The following SGCD variants were observed in gnomAD, a reference collection of about 807,000 sequenced individuals.
The protein encoded by SGCD is sarcoglycan delta.
In SGCD, 18 loss-of-function variants were observed where a neutral mutation model predicts 36.6. That is an observed-to-expected ratio of 0.49 (90% CI 0.34 to 0.73). SGCD has a LOEUF of 0.73. Among genes scored for constraint, SGCD ranks in the 30% least tolerant of loss-of-function variants. The probability of loss-of-function intolerance (pLI) is 0.01; values close to 1 mark genes in which losing one functional copy is unlikely to be tolerated. For synonymous variants in SGCD, 133 were observed against 130.6 expected, an observed-to-expected ratio of 1.02 and a Z score of -0.12; for missense variants, 387 against 346.7, an observed-to-expected ratio of 1.12 and a Z score of -0.92.
intron 3 of SGCD, among the ~76,000 whole-genome samples, chr5:156,213,263 GA>G (rs752198326): frequency 6.6e-6 from 1 of 151,618 alleles, no homozygotes; most frequent in African/African-American, 2.4e-5. Context: ...GCAAGACTAA[GA>G]AAAAAACTCA....
intron 3 of SGCD, among the ~76,000 whole-genome samples, chr5:156,399,382 ACATT>A (rs1327222117): frequency 1.3e-5 from 2 of 152,208 alleles, no homozygotes; most frequent in African/African-American, 4.8e-5. Flanking sequence ...AATTTCAGCT[ACATT>A]CTGAGCAGCA....
At chr5:156,383,327 A>C (rs1307845839) in intron 3 of SGCD, among the ~76,000 whole-genome samples, 2 of 152,048 alleles carry the variant, frequency 1.3e-5, no homozygotes, top group African/African-American at 4.8e-5. Flanking sequence ...AACATGGTGA[A>C]ACCCTGTCTC....
the SGCD span, among the ~76,000 whole-genome samples, chr5:155,794,152 A>G: frequency 2.2e-4 from 33 of 152,294 alleles, no homozygotes; most frequent in African/African-American, 7.7e-4. Flanking sequence ...TGAACTGAGC[A>G]TTACTACAAG....
At chr5:156,756,936 A>T (rs12109038) in intron 7 of SGCD, among the ~76,000 whole-genome samples, 1,752 of 152,280 alleles carry the variant, frequency 0.012, 34 homozygotes, top group African/African-American at 0.04. Flanking sequence ...ATTGGTTGGT[A>T]TTGTAACAAT....
chr5:156,735,116 GTAC>G, intron 7 of SGCD, among the ~76,000 whole-genome samples: 1 of 152,280 alleles, frequency 6.6e-6, no homozygotes, highest in Non-Finnish European at 1.5e-5. Flanking sequence ...AGATTTTCCA[GTAC>G]CTGGAGGTAT....
the SGCD span, among the ~76,000 whole-genome samples, chr5:155,737,837 A>AT: frequency 2.6e-5 from 4 of 152,010 alleles, no homozygotes; most frequent in African/African-American, 9.7e-5. Flanking sequence ...CCCATGTAGC[A>AT]TTTTTTAGTG....
chr5:156,019,154 A>C (rs184732211), intron 1 of SGCD, among the ~76,000 whole-genome samples: 1 of 152,370 alleles, frequency 6.6e-6, no homozygotes, highest in Non-Finnish European at 1.5e-5. Context: ...CTTTAAAACA[A>C]AACATAGAAA....
At chr5:156,015,609 G>A (rs76530179) in intron 1 of SGCD, among the ~76,000 whole-genome samples, 1 of 146,470 alleles carries the variant, frequency 6.8e-6, no homozygotes, top group Non-Finnish European at 1.5e-5. Flanking sequence ...ATGTATGCAT[G>A]TGTGTGTGTG....
At chr5:156,620,826 A>C (rs1279241019) in intron 6 of SGCD, among the ~76,000 whole-genome samples, 1 of 152,192 alleles carries the variant, frequency 6.6e-6, no homozygotes, top group Non-Finnish European at 1.5e-5. Context: ...GAATTAAGGA[A>C]TATCTCAGGG....
chr5:156,097,439 T>C (rs1200685033), intron 1 of SGCD, among the ~76,000 whole-genome samples: 1 of 152,154 alleles, frequency 6.6e-6, no homozygotes. Flanking sequence ...TTGTTAAGAT[T>C]GGGTGAATTC....
At chr5:156,747,046 G>A (rs1251133747) in intron 7 of SGCD, among the ~76,000 whole-genome samples, 3 of 152,024 alleles carry the variant, frequency 2.0e-5, no homozygotes, top group Non-Finnish European at 4.4e-5. Context: ...AGTTGGGGGA[G>A]AGATTTAAAT....
Position 155,963,003 on chromosome 5 carries a change from G to T in SGCD, c.-282+92579G>T, listed in dbSNP as rs74685960. Among the ~76,000 whole-genome samples, 14 of 152,190 alleles carry T rather than the reference G, an allele frequency of 9.2e-5. No individual in the cohort carries two copies. The South Asian group carries it at 2.9e-3, about 32-fold the overall frequency. On this transcript the variant is annotated intron_variant, in intron 1 of 9. Transcript: ENST00000517913. ...AGAAAATCTGACTCCATTCAAAGCAGGTCTCCGTTTGATTATCCAGTTTAG... is the reference window on the plus strand; with the variant it reads ...AGAAAATCTGACTCCATTCAAAGCATGTCTCCGTTTGATTATCCAGTTTAG...
chr5:156,449,791 G>A (rs1311878780), intron 3 of SGCD, among the ~76,000 whole-genome samples: 3 of 146,138 alleles, frequency 2.1e-5, no homozygotes, highest in African/African-American at 7.7e-5. Flanking sequence ...GTTGGAGGTT[G>A]CAGTGAGCCA....
chr5:156,467,382 G>A (rs1739100356), intron 3 of SGCD, among the ~76,000 whole-genome samples: 2 of 152,206 alleles, frequency 1.3e-5, no homozygotes, highest in South Asian at 4.2e-4. Context: ...GATTCATCTG[G>A]TTAGAACAAA....
chr5:156,699,162 C>T (rs968464212), intron 7 of SGCD, among the ~76,000 whole-genome samples: 2 of 152,182 alleles, frequency 1.3e-5, no homozygotes, highest in African/African-American at 2.4e-5. Context: ...TCAGCAGAGA[C>T]ACTTTTGTAT....
intron 3 of SGCD, among the ~76,000 whole-genome samples, chr5:156,465,817 A>AT: frequency 6.6e-6 from 1 of 152,106 alleles, no homozygotes; most frequent in Non-Finnish European, 1.5e-5. Flanking sequence ...AATTCCTGGG[A>AT]CCCTTGAGGT....
intron 6 of SGCD, among the ~76,000 whole-genome samples, chr5:156,620,563 C>T (rs895109376): frequency 3.3e-5 from 5 of 152,008 alleles, no homozygotes; most frequent in Admixed American, 6.6e-5. Context: ...CAGAGGTGTT[C>T]GGGAGAAACT....
At chr5:156,297,863 C>T (rs1425007025) in intron 3 of SGCD, among the ~76,000 whole-genome samples, 2 of 151,808 alleles carry the variant, frequency 1.3e-5, no homozygotes, top group Non-Finnish European at 2.9e-5. Context: ...CTATCAAATA[C>T]TAGATCTTAT....
At chr5:155,992,394 TC>T (rs748919174) in intron 1 of SGCD, among the ~76,000 whole-genome samples, 1 of 152,164 alleles carries the variant, frequency 6.6e-6, no homozygotes, top group South Asian at 2.1e-4. Flanking sequence ...TTGTCTCTTC[TC>T]TTTTTAATAA....
Sources: gnomAD v4.1 joint callset for allele counts (sites outside exome capture counted in the v4.1 genomes callset) on GRCh38, gnomAD v4.1.1 for gene constraint, MANE v1.5 for transcripts, NCBI Gene and HGNC (gene_info 2026-07-23, HGNC 2026-07-21) for gene names.